LZTFL1: variants seen among roughly 807,000 people sequenced by gnomAD.
The protein encoded by LZTFL1 is leucine zipper transcription factor like 1.
Under a neutral mutation model 45.9 loss-of-function variants are expected in LZTFL1, and 25 were observed. That is an observed-to-expected ratio of 0.54 (90% CI 0.40 to 0.76). LZTFL1 has a LOEUF of 0.76. Among genes scored for constraint, LZTFL1 ranks in the 30% least tolerant of loss-of-function variants. The pLI, the probability that LZTFL1 is intolerant of heterozygous loss-of-function variation, is 0.00. For synonymous variants in LZTFL1, 93 were observed against 117.4 expected (o/e 0.79, Z 1.35); for missense variants, 277 against 331.1 (o/e 0.84, Z 1.27).
upstream of LZTFL1, among the ~76,000 whole-genome samples, chr3:45,843,160 T>C (rs1253955087): frequency 6.6e-6 from 1 of 152,232 alleles, no homozygotes; most frequent in East Asian, 1.9e-4. Flanking sequence ...GCAGGATCCC[T>C]GTCTTCTTGA....
intron 3 of LZTFL1, among the ~76,000 whole-genome samples, chr3:45,855,328 T>G (rs1701373739): frequency 6.6e-6 from 1 of 152,186 alleles, no homozygotes; most frequent in Non-Finnish European, 1.5e-5. Context: ...ATTATCTCAA[T>G]AGAGGCGGAA....
chr3:45,838,041 C>A lies in LZTFL1; in HGVS notation c.14G>T (p.Gly5Val), dbSNP rs1279135464. MAEL[G>V]LNEHHQNEVI... ...TTCATTTTGATGGTGCTCATTTAGG[C>A]CCAACTCTGCCTGAAAAAGAAAGAG... The change falls in exon 2 of 10, where the codon GGC becomes GTC. Residue 5 changes from glycine to valine, a missense_variant. Coordinates refer to ENST00000296135, the MANE Select transcript of LZTFL1 (RefSeq NM_020347.4). The A allele has an allele frequency of 3.1e-6, 5 of 1,593,976 alleles. No homozygotes were observed. Among genetic ancestry groups the A allele is most frequent in the Non-Finnish European group, 4.3e-6 (5 of 1,174,296 alleles).
intron 4 of LZTFL1, among the ~76,000 whole-genome samples, chr3:45,853,012 G>A (rs1041669185): frequency 3.3e-5 from 5 of 152,188 alleles, no homozygotes; most frequent in Non-Finnish European, 7.3e-5. Flanking sequence ...TTTGGTTGCA[G>A]CCCACTATTT....
intron 1 of LZTFL1, among the ~76,000 whole-genome samples, chr3:45,841,512 T>C (rs1701111937): frequency 6.6e-6 from 1 of 152,248 alleles, no homozygotes; most frequent in Non-Finnish European, 1.5e-5. Context: ...TCGTTCTCCC[T>C]GCTCCTCTGG....
chr3:45,910,190 G>A (rs1248594685), intron 2 of LZTFL1, among the ~76,000 whole-genome samples: 1 of 152,192 alleles, frequency 6.6e-6, no homozygotes, highest in Non-Finnish European at 1.5e-5. Flanking sequence ...TAGGGGTGGT[G>A]CAAGGAAGCA....
chr3:45,861,537 T>C (rs1559412295), intron 2 of LZTFL1, among the ~76,000 whole-genome samples: 4 of 152,196 alleles, frequency 2.6e-5, no homozygotes, highest in Admixed American at 2.0e-4. Flanking sequence ...AGAAGTCCTA[T>C]GAGTAAGTAG....
At chr3:45,893,586 C>G (rs1702258692) in intron 2 of LZTFL1, among the ~76,000 whole-genome samples, 1 of 152,200 alleles carries the variant, frequency 6.6e-6, no homozygotes, top group Non-Finnish European at 1.5e-5. Flanking sequence ...GGTCTGGCTA[C>G]TTGGCATAAT....
chr3:45,829,849 G>A (rs1456290307), intron 7 of LZTFL1, among the ~76,000 whole-genome samples: 2 of 152,160 alleles, frequency 1.3e-5, no homozygotes, highest in Non-Finnish European at 2.9e-5. Flanking sequence ...ATTATAAAGC[G>A]GTTCTGGAAC....
intron 2 of LZTFL1, among the ~76,000 whole-genome samples, chr3:45,888,815 T>C (rs930138805): frequency 3.3e-5 from 5 of 151,012 alleles, no homozygotes; most frequent in Admixed American, 6.6e-5. Context: ...GAGAAATAGA[T>C]GGCAAGGCTG....
chr3:45,853,930 G>A (rs76434413), intron 4 of LZTFL1, among the ~76,000 whole-genome samples: 11,429 of 152,040 alleles, frequency 0.075, 513 homozygotes, highest in Non-Finnish European at 0.088. Context: ...CCTGTCATTC[G>A]CTCTGCATTT....
At chr3:45,852,287 G>A (rs892953845) in intron 4 of LZTFL1, among the ~76,000 whole-genome samples, 6 of 152,060 alleles carry the variant, frequency 3.9e-5, no homozygotes, top group South Asian at 2.1e-4. Flanking sequence ...AACTGAAAAG[G>A]TACACACCCT....
chr3:45,837,825 T>A, intron 2 of LZTFL1, 102 bp downstream of exon 2: 2 of 1,274,228 alleles, frequency 1.6e-6, no homozygotes, highest in South Asian at 3.3e-5. Flanking sequence ...TTGATCATGA[T>A]GAATCCCAGA....
chr3:45,904,476 ATCCTGAGAGAGCTGACACAGC>A (rs548866630), intron 2 of LZTFL1, among the ~76,000 whole-genome samples: 33 of 152,276 alleles, frequency 2.2e-4, no homozygotes, highest in South Asian at 6.2e-4. Context: ...CCCTGATTGC[ATCCTGAGAGAGCTGACACAGC>A]TCCTGAGAGA....
At chr3:45,861,738 A>G (rs1701494404) in intron 2 of LZTFL1, among the ~76,000 whole-genome samples, 1 of 152,184 alleles carries the variant, frequency 6.6e-6, no homozygotes, top group Non-Finnish European at 1.5e-5. Context: ...AAAGCACATA[A>G]CTGATATGAA....
At chr3:45,897,010 G>A (rs1453065783) in intron 2 of LZTFL1, among the ~76,000 whole-genome samples, 2 of 152,186 alleles carry the variant, frequency 1.3e-5, no homozygotes, top group South Asian at 2.1e-4. Flanking sequence ...CAACTGGGAC[G>A]CCTGGGCTGC....
chr3:45,901,307 G>A lies in LZTFL1; in HGVS notation c.-215+11813C>T. On this transcript the variant is annotated intron_variant, in intron 2 of 4. Coordinates refer to the LZTFL1 transcript ENST00000472635. This position sits in a 1 kb window ranked among gnomAD's most constrained non-coding sequence, Gnocchi z 4.3. ...GCAAAATGGTTTGCTTTACCATCTG[G>A]GTATTGGCAGCTGCTCTCTGCATCC... The A allele has an allele frequency of 6.2e-7, 1 of 1,614,134 alleles. No homozygotes were observed.
chr3:45,868,011 C>T (rs1234586086), intron 2 of LZTFL1, among the ~76,000 whole-genome samples: 1 of 144,760 alleles, frequency 6.9e-6, no homozygotes, highest in Non-Finnish European at 1.5e-5. Context: ...TCTCTTAATG[C>T]TATATATATA....
chr3:45,884,989 G>A (rs562153944), intron 2 of LZTFL1, among the ~76,000 whole-genome samples: 3 of 111,358 alleles, frequency 2.7e-5, no homozygotes, highest in African/African-American at 1.9e-4. Flanking sequence ...CGGCTCCCTC[G>A]CACCGCCGTT....
intron 1 of LZTFL1, chr3:45,913,185 A>G (rs1702834221): frequency 3.3e-6 from 5 of 1,518,066 alleles, no homozygotes; most frequent in Non-Finnish European, 4.4e-6. Flanking sequence ...AGCCTAGAAA[A>G]TTATACAATT....
Sources: allele counts gnomAD v4.1 joint callset (sites outside exome capture counted in the v4.1 genomes callset), GRCh38; gene constraint gnomAD v4.1.1; non-coding constraint Gnocchi (gnomAD v3.1); transcripts MANE v1.5; gene names NCBI Gene and HGNC (gene_info 2026-07-23, HGNC 2026-07-21).